MYO16: variants seen among roughly 807,000 people sequenced by gnomAD.
The protein encoded by MYO16 is unconventional myosin-XVI.
MYO16 carries 94 observed loss-of-function variants against 205.3 expected under a neutral mutation model. That is an observed-to-expected ratio of 0.46 (90% CI 0.39 to 0.54). The LOEUF is 0.54. Ranked by LOEUF, MYO16 falls within the 20% of genes least tolerant of loss-of-function variation. The pLI is 0.00. For synonymous variants in MYO16, 988 were observed against 954.0 expected, an observed-to-expected ratio of 1.04 and a Z score of -0.66; for missense variants, 2,315 against 2,387.5, an observed-to-expected ratio of 0.97 and a Z score of 0.63.
chr13:108,995,842 A>T lies in MYO16; in HGVS notation c.2442+3394A>T, dbSNP rs1401270601. 4.6e-5 allele frequency among the ~76,000 whole-genome samples: 7 copies of T among 152,284 alleles called. No individual in the cohort carries two copies. In the East Asian group the frequency reaches 1.2e-3, roughly 25 times the overall value. On this transcript the variant is annotated intron_variant, in intron 21 of 34. Coordinates refer to ENST00000457511, the MANE Select transcript of MYO16 (RefSeq NM_001198950.3). ...ATTTTCTTAATCCAGTCTATCATTG[A>T]TGGACATTTGGGTTTGTTCCAAGTC...
chr13:108,968,104 C>T (rs189218572), intron 20 of MYO16, among the ~76,000 whole-genome samples: 1 of 152,320 alleles, frequency 6.6e-6, no homozygotes, highest in East Asian at 1.9e-4. Context: ...CCATCCACTC[C>T]ACCTTGGTCT....
Position 109,032,247 on chromosome 13 carries a change from G to T in MYO16, c.2796+12336G>T, listed in dbSNP as rs528527390. On this transcript the variant is annotated intron_variant, in intron 23 of 34. Transcript: ENST00000457511. ...CTTGGCAGGATTTAACACAGCTCTG[G>T]CTTGTGTACCAGATGAAGCCCTACC... is the stretch of plus-strand genomic sequence containing the variant. Among the ~76,000 whole-genome samples the T allele has an allele frequency of 1.2e-3, 178 of 152,180 alleles. 7 individuals are homozygous for T. The highest frequency in any genetic ancestry group is 2.4e-3 in the Admixed American group (37 of 15,284).
chr13:108,504,459 G>T, the MYO16 span, among the ~76,000 whole-genome samples: 4 of 150,806 alleles, frequency 2.7e-5, no homozygotes, highest in Admixed American at 1.3e-4. Context: ...TTGCAAAGCC[G>T]AAACTCTACA....
intron 1 of MYO16, among the ~76,000 whole-genome samples, chr13:108,616,596 G>A (rs1164493193): frequency 6.6e-6 from 1 of 152,052 alleles, no homozygotes; most frequent in Non-Finnish European, 1.5e-5. Context: ...ATTTCTCTCT[G>A]TGCCCTTGAA....
chr13:108,571,801 G>A, the MYO16 span, among the ~76,000 whole-genome samples: 1 of 150,874 alleles, frequency 6.6e-6, no homozygotes, highest in Non-Finnish European at 1.5e-5. Flanking sequence ...TTGGCTGACT[G>A]TGAGTTCCCA....
chr13:108,795,047 G>A (rs549202674), intron 6 of MYO16, among the ~76,000 whole-genome samples: 1 of 151,990 alleles, frequency 6.6e-6, no homozygotes, highest in South Asian at 2.1e-4. Context: ...TTCTAAAAAT[G>A]TGTTGTTTTC....
At chr13:108,792,920 T>A (rs968746933) in intron 5 of MYO16, among the ~76,000 whole-genome samples, 3 of 152,222 alleles carry the variant, frequency 2.0e-5, no homozygotes, top group Non-Finnish European at 2.9e-5. Flanking sequence ...TGTTTCCATT[T>A]AAGTACTTTA....
chr13:108,601,833 A>G (rs1238289987), intron 1 of MYO16, among the ~76,000 whole-genome samples: 2 of 152,112 alleles, frequency 1.3e-5, no homozygotes, highest in Admixed American at 1.3e-4. Context: ...GACGTTCAGG[A>G]GCCTACATTT....
At chr13:108,946,756 T>A (rs1178061260) in intron 16 of MYO16, among the ~76,000 whole-genome samples, 2 of 151,980 alleles carry the variant, frequency 1.3e-5, no homozygotes, top group Non-Finnish European at 2.9e-5. Context: ...TTTTTTTTTT[T>A]ATTGAGATAT....
chr13:108,728,912 C>T (rs551111276), intron 4 of MYO16, among the ~76,000 whole-genome samples: 1 of 151,980 alleles, frequency 6.6e-6, no homozygotes, highest in Admixed American at 6.5e-5. Flanking sequence ...TATATTGGGA[C>T]TGTCTTAATC....
At chr13:109,077,688 G>A (rs72656234) in intron 27 of MYO16, among the ~76,000 whole-genome samples, 10,393 of 152,082 alleles carry the variant, frequency 0.068, 439 homozygotes, top group African/African-American at 0.093. Context: ...TTGTTCTTCC[G>A]TACACAGTAT....
At chr13:109,037,665 G>C (rs1298748047) in intron 23 of MYO16, among the ~76,000 whole-genome samples, 2 of 151,698 alleles carry the variant, frequency 1.3e-5, no homozygotes, top group East Asian at 3.9e-4. Context: ...GCCACCGAGA[G>C]ACACACAGAG....
the MYO16 span, among the ~76,000 whole-genome samples, chr13:108,508,736 A>T: frequency 2.6e-5 from 4 of 152,098 alleles, no homozygotes; most frequent in Non-Finnish European, 4.4e-5. Context: ...GGCTTTTCTT[A>T]TCCATTTCAG....
chr13:109,022,373 TTATA>T (rs1460424254), intron 23 of MYO16, among the ~76,000 whole-genome samples: 1 of 90,590 alleles, frequency 1.1e-5, no homozygotes, highest in Admixed American at 1.7e-4. Context: ...TATGTATGTA[TTATA>T]TATACAAATA....
chr13:108,957,529 C>T (rs1371868093), intron 16 of MYO16, among the ~76,000 whole-genome samples, 159 bp from the exon 17 acceptor site: 1 of 152,062 alleles, frequency 6.6e-6, no homozygotes, highest in Non-Finnish European at 1.5e-5. Context: ...CCTGAGATAT[C>T]ATGTGCTGTG....
chr13:108,677,801 A>T (rs1386366925), intron 2 of MYO16, among the ~76,000 whole-genome samples: 1 of 152,210 alleles, frequency 6.6e-6, no homozygotes, highest in Non-Finnish European at 1.5e-5. Context: ...TGAAACTGAA[A>T]AAAAGCAAAC....
intron 2 of MYO16, among the ~76,000 whole-genome samples, chr13:108,705,676 C>T (rs1048725992): frequency 2.0e-5 from 3 of 151,828 alleles, no homozygotes; most frequent in Non-Finnish European, 4.4e-5. Context: ...GGACTGTATC[C>T]CCCAGAGAAA....
rs1391875655 is a variant in MYO16 at position 108,634,481 on chromosome 13, T to TC, written c.28+4615dup. 6.6e-5 allele frequency among the ~76,000 whole-genome samples: 10 copies of TC among 151,986 alleles called. No homozygotes were observed. In the South Asian group the frequency reaches 1.5e-3, roughly 22 times the overall value. ...CATCCATCTTCCAATTAAGCAAAAG[T>TC]CCCCCCTTGTTCTCTCTTCCCTCGG... On this transcript the variant is annotated intron_variant, in intron 1 of 34. Coordinates refer to ENST00000457511, the MANE Select transcript of MYO16 (RefSeq NM_001198950.3).
intron 13 of MYO16, among the ~76,000 whole-genome samples, chr13:108,886,747 C>T (rs1435660311): frequency 4.0e-5 from 6 of 151,842 alleles, no homozygotes; most frequent in South Asian, 2.1e-4. Flanking sequence ...AAACATCTGA[C>T]GTAAGCACTC....
Sources: allele counts gnomAD v4.1 joint callset (sites outside exome capture counted in the v4.1 genomes callset), GRCh38; gene constraint gnomAD v4.1.1; transcripts MANE v1.5; gene names NCBI Gene and HGNC (gene_info 2026-07-23, HGNC 2026-07-21).